The following ADAM12 variants were observed in gnomAD, a reference collection of about 807,000 sequenced individuals.
ADAM12 encodes ADAM metallopeptidase domain 12.
In ADAM12, 70 loss-of-function variants were observed where a neutral mutation model predicts 106.4. That is an observed-to-expected ratio of 0.66 (90% confidence interval 0.54 to 0.80). The LOEUF (loss-of-function observed/expected upper bound fraction) is 0.80, where lower values mean the gene tolerates loss of function less well. ADAM12 is among the 30% of genes least tolerant of loss of function. The probability of loss-of-function intolerance (pLI) is 0.00; values close to 1 mark genes in which losing one functional copy is unlikely to be tolerated. For synonymous variants in ADAM12, 420 were observed against 433.5 expected (o/e 0.97, Z 0.39); for missense variants, 1,010 against 1,171.9 (o/e 0.86, Z 2.02).
intron 3 of ADAM12, among the ~76,000 whole-genome samples, chr10:126,242,752 T>C (rs1281975329): frequency 1.3e-5 from 2 of 152,168 alleles, no homozygotes; most frequent in African/African-American, 4.8e-5. Flanking sequence ...CTCCTCAGGA[T>C]TTCAAGATGT....
chr10:126,094,408 GGC>G (rs1955519519), intron 10 of ADAM12, among the ~76,000 whole-genome samples: 1 of 152,050 alleles, frequency 6.6e-6, no homozygotes, highest in Non-Finnish European at 1.5e-5. Flanking sequence ...ACATCTTCAA[GGC>G]AGGGTCTCCA....
At chr10:126,202,612 C>A (rs904712099) in intron 3 of ADAM12, among the ~76,000 whole-genome samples, 3 of 152,122 alleles carry the variant, frequency 2.0e-5, no homozygotes, top group African/African-American at 7.2e-5. Flanking sequence ...CTCAAAATTA[C>A]AGATTTAAGA....
intron 1 of ADAM12, among the ~76,000 whole-genome samples, chr10:126,362,743 TCATA>T (rs1465920269): frequency 1.3e-5 from 2 of 152,230 alleles, no homozygotes; most frequent in East Asian, 3.9e-4. Flanking sequence ...ACAATCGAGC[TCATA>T]CAAAGAGTAG....
intron 3 of ADAM12, among the ~76,000 whole-genome samples, chr10:126,206,688 C>T (rs1397091079): frequency 6.6e-6 from 1 of 152,214 alleles, no homozygotes; most frequent in South Asian, 2.1e-4. Flanking sequence ...AAGAAACATG[C>T]AAGAATCATG....
chr10:126,094,217 C>A (rs1955515587), intron 10 of ADAM12, 84 bp from the exon 11 acceptor site: 2 of 1,336,074 alleles, frequency 1.5e-6, no homozygotes, highest in East Asian at 2.3e-5. Flanking sequence ...CAGAAATATA[C>A]CTTTCATTAA....
intron 2 of ADAM12, among the ~76,000 whole-genome samples, chr10:126,306,116 G>C (rs1164035560): frequency 6.6e-6 from 1 of 151,842 alleles, no homozygotes; most frequent in Non-Finnish European, 1.5e-5. Flanking sequence ...CTGGGTTTAA[G>C]TCTGGCATCC....
intron 5 of ADAM12, among the ~76,000 whole-genome samples, chr10:126,118,792 C>G (rs113794344): frequency 1.4e-3 from 218 of 152,242 alleles, no homozygotes; most frequent in African/African-American, 4.8e-3. Flanking sequence ...TCTCCAATGT[C>G]CATTATATTA....
chr10:126,303,379 T>C (rs1960707275), intron 2 of ADAM12, among the ~76,000 whole-genome samples: 1 of 152,172 alleles, frequency 6.6e-6, no homozygotes. Context: ...ATTAAATTGG[T>C]TGTTTGTGAT....
At chr10:126,051,560 T>G (rs140062357) in intron 14 of ADAM12, among the ~76,000 whole-genome samples, 23 of 106,706 alleles carry the variant, frequency 2.2e-4, no homozygotes, top group East Asian at 6.6e-4. Flanking sequence ...CATCCATCCA[T>G]CCATCCATCC....
In ADAM12 at chr10:126,179,110, C is replaced by G. The variant is rs1957269986; in HGVS notation, c.261-23805G>C. 2.0e-5 allele frequency among the ~76,000 whole-genome samples: 3 copies of G among 152,064 alleles called. No individual in the cohort carries two copies. In the South Asian group the frequency reaches 6.3e-4, roughly 32 times the overall value. On this transcript the variant is annotated intron_variant, in intron 3 of 22. Coordinates refer to ENST00000448723, the MANE Select transcript of ADAM12 (RefSeq NM_001288973.2). ...ATCCACTCAAGCACTCAAGCAGTCC[C>G]TATCAACGTGACTGTAGTTTATTTC...
At chr10:126,120,412 T>C (rs938332265) in intron 5 of ADAM12, among the ~76,000 whole-genome samples, 8 of 152,192 alleles carry the variant, frequency 5.3e-5, no homozygotes, top group East Asian at 1.9e-4. Flanking sequence ...TAAATGATTT[T>C]TAGGGGAATT....
At chr10:126,333,414 C>T (rs569139229) in intron 1 of ADAM12, among the ~76,000 whole-genome samples, 5 of 152,210 alleles carry the variant, frequency 3.3e-5, no homozygotes, top group Non-Finnish European at 7.3e-5. Flanking sequence ...GCCTCAGATG[C>T]CTGGAGGAAG....
chr10:126,143,292 G>A (rs1590490974), intron 4 of ADAM12, among the ~76,000 whole-genome samples: 1 of 148,968 alleles, frequency 6.7e-6, no homozygotes, highest in East Asian at 2.0e-4. Flanking sequence ...GCATGTGTGT[G>A]TGTGCATGTG....
intron 3 of ADAM12, among the ~76,000 whole-genome samples, chr10:126,265,936 C>T (rs912083493): frequency 8.6e-5 from 13 of 151,998 alleles, no homozygotes; most frequent in African/African-American, 3.1e-4. Context: ...ACTGGCTGGA[C>T]ATTTGATAGT....
intron 1 of ADAM12, among the ~76,000 whole-genome samples, chr10:126,342,887 G>T (rs954438537): frequency 6.6e-6 from 1 of 150,416 alleles, no homozygotes; most frequent in Non-Finnish European, 1.5e-5. Context: ...TCAACAAGGT[G>T]AATCCGCTGA....
At position 126,043,105 on chromosome 10, in the gene ADAM12, GC is replaced by G. The variant is rs1452800387; in HGVS notation, c.2038del (p.Ala680HisfsTer27). ...RKNCHCEAHW[A>X]PPFCDKFGFG... ...GCCAAACTTGTCACAGAAGGGAGGT[GC>G]CCAGTGGGCCTCGCAGTGGCAGTTC... On this transcript the variant is annotated frameshift_variant, in exon 18 of 23. Coordinates refer to ENST00000448723, the MANE Select transcript of ADAM12 (RefSeq NM_001288973.2). LOFTEE classifies it high-confidence loss of function. The surrounding 1 kb of genome is among the most constrained non-coding windows in gnomAD (Gnocchi z 4.1). 13 of 1,614,198 alleles carry G rather than the reference GC, an allele frequency of 8.1e-6. No homozygotes were observed. The highest frequency in any genetic ancestry group is 1.1e-5 in the Non-Finnish European group (13 of 1,180,026).
chr10:126,041,798 G>C, intron 18 of ADAM12: 1 of 1,135,582 alleles, frequency 8.8e-7, no homozygotes, highest in Non-Finnish European at 1.1e-6. Flanking sequence ...TGGAGGCTCA[G>C]TGAAAGGCCA....
At chr10:126,179,241 G>A (rs184807424) in intron 3 of ADAM12, among the ~76,000 whole-genome samples, 1 of 152,284 alleles carries the variant, frequency 6.6e-6, no homozygotes. Context: ...CCCCTCTGCT[G>A]TTTGCTCTGG....
chr10:126,190,769 T>G (rs1305945236), intron 3 of ADAM12, among the ~76,000 whole-genome samples: 1 of 152,018 alleles, frequency 6.6e-6, no homozygotes, highest in Non-Finnish European at 1.5e-5. Context: ...AGCTGGAAGG[T>G]GCTGGCCTTG....
Sources: allele counts gnomAD v4.1 joint callset (sites outside exome capture counted in the v4.1 genomes callset), GRCh38; gene constraint gnomAD v4.1.1; non-coding constraint Gnocchi (gnomAD v3.1); transcripts MANE v1.5; gene names NCBI Gene and HGNC (gene_info 2026-07-23, HGNC 2026-07-21).